The following INSR variants were observed in gnomAD, a reference collection of about 807,000 sequenced individuals.
The protein encoded by INSR is insulin receptor.
Under a neutral mutation model 142.6 loss-of-function variants are expected in INSR, and 67 were observed. The ratio of observed to expected loss-of-function variants is 0.47; its 90% CI spans 0.39 to 0.58. The LOEUF is 0.58. Ranked by LOEUF, INSR falls within the 20% of genes least tolerant of loss-of-function variation. The probability of loss-of-function intolerance (pLI) is 0.00; values close to 1 mark genes in which losing one functional copy is unlikely to be tolerated. For synonymous variants in INSR, 756 were observed against 743.1 expected, an observed-to-expected ratio of 1.02 and a Z score of -0.28; for missense variants, 1,248 against 1,833.2, an observed-to-expected ratio of 0.68 and a Z score of 5.83.
In INSR at chr19:7,281,589, G is replaced by A. The variant is rs148358033; in HGVS notation, c.100+12203C>T. Among the ~76,000 whole-genome samples, 1,214 of 152,158 alleles carry A rather than the reference G, an allele frequency of 8.0e-3. 17 individuals carry two copies. The highest frequency in any genetic ancestry group is 0.026 in the African/African-American group (1,078 of 41,508). On this transcript the variant is annotated intron_variant, in intron 1 of 21. Coordinates refer to ENST00000302850, the MANE Select transcript of INSR (RefSeq NM_000208.4). ...CCAGCTACTTGGGAGGAGGAAGCGCGAGAATCATTTGAGCCCAGGAGTTCA... is the reference window on the plus strand; with the variant it reads ...CCAGCTACTTGGGAGGAGGAAGCGCAAGAATCATTTGAGCCCAGGAGTTCA...
At chr19:7,121,985 A>C (rs1972501793) in intron 19 of INSR, among the ~76,000 whole-genome samples, 1 of 152,068 alleles carries the variant, frequency 6.6e-6, no homozygotes, top group Non-Finnish European at 1.5e-5. Flanking sequence ...TCTACTAAAA[A>C]TACAAAAAGT....
rs1462716946 is a variant in INSR at position 7,267,679 on chromosome 19, G to T, written c.318C>A (p.Leu106=). ...LESLKDLFPN[L]TVIRGSRLFF... is the part of the protein sequence containing the mutation. ...ACAGTCGTGATCCCCGGATGACCGT[G>T]AGGTTGGGGAACAGGTCCTTCAGGC... Residue 106 remains leucine (L), a synonymous_variant, in exon 2 of 22, where the codon CTC becomes CTA. Coordinates refer to ENST00000302850, the MANE Select transcript of INSR (RefSeq NM_000208.4). This position sits in a 1 kb window ranked among gnomAD's most constrained non-coding sequence, Gnocchi z 6.3. 1.2e-6 allele frequency: 2 copies of T among 1,614,148 alleles called. No homozygotes were observed. Among genetic ancestry groups the T allele is most frequent in the Non-Finnish European group, 1.7e-6 (2 of 1,180,032 alleles).
intron 2 of INSR, among the ~76,000 whole-genome samples, chr19:7,246,202 A>G (rs1227354139): frequency 1.3e-5 from 2 of 152,172 alleles, no homozygotes; most frequent in Non-Finnish European, 2.9e-5. Context: ...ATCAACAGGT[A>G]AAGACTATAT....
At chr19:7,120,585 C>T (rs959845205) in intron 20 of INSR, 35 bp downstream of exon 20, 2 of 1,613,230 alleles carry the variant, frequency 1.2e-6, no homozygotes, top group Admixed American at 3.3e-5. Context: ...GGAATTCAAG[C>T]CCAGCGTCCA....
intron 9 of INSR, among the ~76,000 whole-genome samples, chr19:7,155,083 C>T (rs758587509): frequency 1.4e-4 from 22 of 152,030 alleles, no homozygotes; most frequent in Non-Finnish European, 2.5e-4. Context: ...TGGGTGTCTG[C>T]GGGTGCCATT....
intron 2 of INSR, among the ~76,000 whole-genome samples, chr19:7,251,712 G>A (rs371603111): frequency 4.0e-4 from 61 of 152,168 alleles, no homozygotes; most frequent in East Asian, 1.7e-3. Flanking sequence ...GATGTGGTCC[G>A]TGGCATGGCT....
intron 3 of INSR, among the ~76,000 whole-genome samples, chr19:7,184,044 C>T (rs1474908759): frequency 1.2e-4 from 11 of 94,218 alleles, no homozygotes; most frequent in East Asian, 1.1e-3. Context: ...GGGAGTCTTG[C>T]GGCAAGACTC....
Position 7,120,636 on chromosome 19 carries a change from T to C in INSR, c.3643A>G (p.Thr1215Ala). The change falls in exon 20 of 22, where the codon ACT becomes GCT. Residue 1215 changes from threonine (T) to alanine (A), a missense_variant. Physicochemically the swap from Thr to Ala is moderately conservative, Grantham distance 58. Transcript: ENST00000302850. ...ACAACTCACCACATGTCAGAAGAAGTGGTGAAGACCCCATCCTTCAGGGAC... is the reference window on the plus strand; with the variant it reads ...ACAACTCACCACATGTCAGAAGAAGCGGTGAAGACCCCATCCTTCAGGGAC... ...PESLKDGVFT[T>A]SSDMWSFGVV... 2 of 1,614,062 alleles carry C rather than the reference T, an allele frequency of 1.2e-6. No individual in the cohort carries two copies. Among genetic ancestry groups the C allele is most frequent in the South Asian group, 2.2e-5 (2 of 91,074 alleles).
At chr19:7,140,329 G>A (rs78958929) in intron 13 of INSR, among the ~76,000 whole-genome samples, 2 of 152,260 alleles carry the variant, frequency 1.3e-5, no homozygotes, top group East Asian at 3.9e-4. Context: ...GGTCCACCAC[G>A]TGTTTTTGTA....
At chr19:7,122,470 C>CA (rs746012777) in intron 19 of INSR, 144 bp downstream of exon 19, 1,008 of 901,560 alleles carry the variant, frequency 1.1e-3, no homozygotes, top group Non-Finnish European at 1.5e-3. Context: ...CAAAACAAAA[C>CA]AAAAAAAACC....
At chr19:7,230,797 C>T (rs1413790744) in intron 2 of INSR, among the ~76,000 whole-genome samples, 1 of 120,262 alleles carries the variant, frequency 8.3e-6, no homozygotes, top group African/African-American at 3.3e-5. Flanking sequence ...GACAGTGAGA[C>T]TCCATCTCAA....
At chr19:7,195,533 C>T (rs762621295) in intron 2 of INSR, among the ~76,000 whole-genome samples, 1 of 152,012 alleles carries the variant, frequency 6.6e-6, no homozygotes, top group Non-Finnish European at 1.5e-5. Context: ...ATCCCGGCTA[C>T]TTGGGGGCTG....
chr19:7,287,159 CTT>C (rs34457204), intron 1 of INSR, among the ~76,000 whole-genome samples: 54 of 129,104 alleles, frequency 4.2e-4, no homozygotes, highest in African/African-American at 4.8e-4. Flanking sequence ...CAAAAATATT[CTT>C]TTTTTTTTTT....
rs547642569 is a variant in INSR at position 7,230,818 on chromosome 19, A to T, written c.652+36527T>A. Among the ~76,000 whole-genome samples the T allele has an allele frequency of 5.2e-3, 787 of 151,614 alleles. 30 individuals carry two copies. Among genetic ancestry groups the T allele is most frequent in the African/African-American group, 0.013 (544 of 41,294 alleles). On this transcript the variant is annotated intron_variant, in intron 2 of 21. Coordinates refer to ENST00000302850, the MANE Select transcript of INSR (RefSeq NM_000208.4). ...GAGACTCCATCTCAAAAATAAAAAAAAAATAAAAAATATTAGCTCAAGGCC... is the reference window on the plus strand; with the variant it reads ...GAGACTCCATCTCAAAAATAAAAAATAAATAAAAAATATTAGCTCAAGGCC...
At chr19:7,224,262 T>TTTAA in intron 2 of INSR, among the ~76,000 whole-genome samples, 1 of 150,398 alleles carries the variant, frequency 6.6e-6, no homozygotes, top group African/African-American at 2.4e-5. Context: ...TTTTTTTTTT[T>TTTAA]AAAGACAAAG....
At chr19:7,138,702 C>T (rs188452238) in intron 13 of INSR, among the ~76,000 whole-genome samples, 2 of 152,220 alleles carry the variant, frequency 1.3e-5, no homozygotes, top group Admixed American at 6.5e-5. Flanking sequence ...GCTCTTCATC[C>T]ACCAATTCTA....
chr19:7,218,095 G>A (rs981281181), intron 2 of INSR, among the ~76,000 whole-genome samples: 3 of 152,112 alleles, frequency 2.0e-5, no homozygotes, highest in East Asian at 1.9e-4. Flanking sequence ...TTGCAAAACG[G>A]TGAGCAAAGA....
chr19:7,265,047 C>T (rs144963021), intron 2 of INSR, among the ~76,000 whole-genome samples: 1 of 152,196 alleles, frequency 6.6e-6, no homozygotes, highest in Non-Finnish European at 1.5e-5. Context: ...TCCCTTCTAT[C>T]TTTTGTGATA....
In INSR at chr19:7,119,646, G is replaced by A. The variant is rs973898667; in HGVS notation, c.3660-63C>T. The A allele has an allele frequency of 3.1e-5, 46 of 1,499,868 alleles. No individual in the cohort carries two copies. The highest frequency in any genetic ancestry group is 9.6e-5 in the African/African-American group (7 of 73,170). 92.9% of individuals were successfully genotyped at this position (1,499,868 alleles called of 1,614,324 possible). Reference sequence around the variant, plus strand: ...TTTAGACACACACACACACGCGCGCGCGCAAACACACACACGCAAACGCAC... The same window carrying A: ...TTTAGACACACACACACACGCGCGCACGCAAACACACACACGCAAACGCAC... On this transcript the variant is annotated intron_variant, in intron 20 of 21. Coordinates refer to ENST00000302850, the MANE Select transcript of INSR (RefSeq NM_000208.4). The surrounding 1 kb of genome is among the most constrained non-coding windows in gnomAD (Gnocchi z 5.2).
Sources: allele counts gnomAD v4.1 joint callset (sites outside exome capture counted in the v4.1 genomes callset), GRCh38; gene constraint gnomAD v4.1.1; non-coding constraint Gnocchi (gnomAD v3.1); transcripts MANE v1.5; gene names NCBI Gene and HGNC (gene_info 2026-07-23, HGNC 2026-07-21).